Variants in DMXL1 observed in about 807,000 individuals in gnomAD.
The protein encoded by DMXL1 is Dmx like 1.
In DMXL1, 99 loss-of-function variants were observed where a neutral mutation model predicts 319.2. The ratio of observed to expected loss-of-function variants is 0.31; its 90% confidence interval spans 0.26 to 0.37. The LOEUF is 0.37. Ranked by LOEUF, DMXL1 falls within the 10% of genes least tolerant of loss-of-function variation. The probability of loss-of-function intolerance (pLI) is 1.00; values close to 1 mark genes in which losing one functional copy is unlikely to be tolerated. For synonymous variants in DMXL1, 1,385 were observed against 1,235.2 expected, an observed-to-expected ratio of 1.12 and a Z score of -2.54; for missense variants, 3,745 against 3,595.6, an observed-to-expected ratio of 1.04 and a Z score of -1.06.
chr5:119,198,659 G>T lies in DMXL1; in HGVS notation c.7745+703G>T, dbSNP rs568162775. Among the ~76,000 whole-genome samples, 3 of 152,258 alleles carry T rather than the reference G, an allele frequency of 2.0e-5. No individual in the cohort carries two copies. The South Asian group carries it at 6.2e-4, about 32-fold the overall frequency. On this transcript the variant is annotated intron_variant, in intron 32 of 43. Transcript: ENST00000539542. ...TCTAAAATCAGATGGAACCAGTAGA[G>T]AGCTGGAATAGCCAAAGCAATCCTC... is the stretch of plus-strand genomic sequence containing the variant.
intron 34 of DMXL1, among the ~76,000 whole-genome samples, chr5:119,207,907 G>A (rs1782041495): frequency 6.6e-6 from 1 of 152,098 alleles, no homozygotes; most frequent in Non-Finnish European, 1.5e-5. Context: ...TGATTTTTAA[G>A]TGAAAAATTG....
chr5:119,222,837 G>A (rs568263134), intron 37 of DMXL1, among the ~76,000 whole-genome samples: 114 of 151,948 alleles, frequency 7.5e-4, no homozygotes, highest in African/African-American at 2.6e-3. Context: ...AACTTATTAA[G>A]CTCATGGTTA....
intron 3 of DMXL1, among the ~76,000 whole-genome samples, chr5:119,103,734 G>A (rs1017334848): frequency 3.9e-5 from 6 of 152,002 alleles, no homozygotes; most frequent in Non-Finnish European, 5.9e-5. Flanking sequence ...TTTTTAAGGC[G>A]ATTACCCCAC....
At position 119,149,463 on chromosome 5, in the gene DMXL1, C is replaced by G. The variant is rs370736430; in HGVS notation, c.3636C>G (p.Ser1212=). 9 of 1,613,774 alleles carry G rather than the reference C, an allele frequency of 5.6e-6. No individual in the cohort carries two copies. In the African/African-American group the frequency reaches 1.2e-4, roughly 22 times the overall value. ...SVDLVSSVDG[S]PPFPVSLSWV... is the part of the protein sequence containing the mutation. ...ACCTAGTTTCTTCTGTAGATGGCTC[C>G]CCACCTTTTCCTGTTTCTTTATCGT... Residue 1212 remains serine, a synonymous_variant, in exon 18 of 44, where the codon TCC becomes TCG. Transcript: ENST00000539542.
rs1290612546 is a variant in DMXL1 at position 119,151,931 on chromosome 5, G to A, written c.4597G>A (p.Gly1533Arg). The A allele has an allele frequency of 1.2e-6, 2 of 1,608,996 alleles. No homozygotes were observed. The highest frequency in any genetic ancestry group is 2.2e-5 in the East Asian group (1 of 44,732). ...IGESRDRSQG[G>R]ETLDECGLKF... Reference sequence around the variant, plus strand: ...GCTTCCCCTTTCTCCCATTGCAGGTGGAGAAACTCTTGATGAATGTGGGTT... The same window carrying A: ...GCTTCCCCTTTCTCCCATTGCAGGTAGAGAAACTCTTGATGAATGTGGGTT... The change falls in exon 19 of 44, where the codon GGA (glycine) becomes AGA (arginine). Residue 1533 changes from glycine to arginine, a missense_variant and splice_region_variant. By Grantham distance (125) the Gly-to-Arg change is moderately radical. Around this residue, in one of 4 missense-constraint regions of DMXL1, gnomAD observed 2,096 missense variants for 1,985.4 expected, o/e 1.06. Coordinates refer to ENST00000539542, the MANE Select transcript of DMXL1 (RefSeq NM_001290321.3).
rs576947433 is a variant in DMXL1 at position 119,178,307 on chromosome 5, C to T, written c.7135+63C>T. On this transcript the variant is annotated intron_variant, in intron 28 of 43. Transcript: ENST00000539542. ...TTATCTGAGTGATATCATTCTCAAA[C>T]GTAATTACATTTTAATTTAGTTATA... is the stretch of plus-strand genomic sequence containing the variant. The T allele has an allele frequency of 1.4e-4, 216 of 1,506,714 alleles. No individual in the cohort carries two copies. In the African/African-American group the frequency reaches 2.2e-3, roughly 15 times the overall value. The allele number at this position is 1,506,714 out of a possible 1,614,324, so 93.3% of individuals were successfully genotyped here. A position where few individuals can be genotyped will look rare whatever the true frequency, so the allele number is the denominator to read the frequency against.
Position 119,220,456 on chromosome 5 carries a change from T to C in DMXL1, c.8014-16T>C. The C allele has an allele frequency of 6.2e-7, 1 of 1,610,678 alleles. No homozygotes were observed. Among genetic ancestry groups the C allele is most frequent in the Non-Finnish European group, 8.5e-7 (1 of 1,178,788 alleles). On this transcript the variant is annotated splice_polypyrimidine_tract_variant and intron_variant, in intron 35 of 43. Coordinates refer to ENST00000539542, the MANE Select transcript of DMXL1 (RefSeq NM_001290321.3). ...TGCCTATTGCTTTTAAAATTACCAT[T>C]TGACTTATTTTTCAGGCAAATAGAA...
Position 119,071,153 on chromosome 5 carries a change from C to G in DMXL1, c.-417C>G, listed in dbSNP as rs913978619. On this transcript the variant is annotated 5_prime_UTR_variant, in exon 1 of 44. Coordinates refer to ENST00000539542, the MANE Select transcript of DMXL1 (RefSeq NM_001290321.3). ...GCACCGGAGCCGGGAAGGGACAGGT[C>G]AGGCGGGGAGTGCGAGCGCGTACTG... 2 of 216,614 alleles carry G rather than the reference C, an allele frequency of 9.2e-6. No individual in the cohort carries two copies. Among genetic ancestry groups the G allele is most frequent in the African/African-American group, 4.8e-5 (2 of 41,882 alleles). 13.4% of individuals were successfully genotyped at this position (216,614 alleles called of 1,614,324 possible).
chr5:119,087,676 T>C (rs569729475), intron 1 of DMXL1, among the ~76,000 whole-genome samples: 2 of 152,334 alleles, frequency 1.3e-5, no homozygotes, highest in East Asian at 3.9e-4. Context: ...TTAGATCTAG[T>C]GTATCGTTTA....
intron 25 of DMXL1, among the ~76,000 whole-genome samples, chr5:119,173,858 C>G (rs1042144106): frequency 6.8e-6 from 1 of 146,130 alleles, no homozygotes; most frequent in Non-Finnish European, 1.5e-5. Flanking sequence ...TGAAAAGTCC[C>G]AAGATCTGCA....
intron 34 of DMXL1, among the ~76,000 whole-genome samples, chr5:119,215,273 T>G (rs1010367183): frequency 1.3e-5 from 2 of 152,120 alleles, no homozygotes; most frequent in Non-Finnish European, 2.9e-5. Flanking sequence ...CTCTTTGAAC[T>G]TTCCAATTGA....
chr5:119,141,417 A>G (rs1767316491), intron 13 of DMXL1, among the ~76,000 whole-genome samples: 1 of 152,184 alleles, frequency 6.6e-6, no homozygotes, highest in Non-Finnish European at 1.5e-5. Context: ...GGATACAAAA[A>G]TTAATGTAGA....
chr5:119,108,063 T>C (rs1758743429), intron 4 of DMXL1, among the ~76,000 whole-genome samples: 2 of 152,120 alleles, frequency 1.3e-5, no homozygotes, highest in African/African-American at 4.8e-5. Context: ...CACTTTCCTT[T>C]TGAAACAAGA....
At chr5:119,119,894 T>A (rs1454809352) in intron 8 of DMXL1, among the ~76,000 whole-genome samples, 1 of 151,928 alleles carries the variant, frequency 6.6e-6, no homozygotes, top group Non-Finnish European at 1.5e-5. Context: ...TTGTTGTTGT[T>A]TTTTGAGACA....
rs1436187624 is a variant in DMXL1 at position 119,116,220 on chromosome 5, A to T, written c.627A>T (p.Pro209=). 14 of 1,613,834 alleles carry T rather than the reference A, an allele frequency of 8.7e-6. No homozygotes were observed. Among genetic ancestry groups the T allele is most frequent in the African/African-American group, 1.3e-5 (1 of 74,866 alleles). The stretch of plus-strand genomic sequence containing the variant: ...ACTGGCGGACAGCTGTTACTTCTCC[A>T]GATGGAAGTTCAGAAAAACAATCCC... ...VENWRTAVTS[P]DGSSEKQSQG... The change falls in exon 7 of 44, where the codon CCA becomes CCT. Residue 209 remains proline (P), a synonymous_variant. Coordinates refer to ENST00000539542, the MANE Select transcript of DMXL1 (RefSeq NM_001290321.3).
At chr5:119,119,148 CAT>C (rs1761482866) in intron 8 of DMXL1, 144 bp downstream of exon 8, 1 of 527,490 alleles carries the variant, frequency 1.9e-6, no homozygotes, top group Non-Finnish European at 3.1e-6. Flanking sequence ...GTTCAAAAAA[CAT>C]ATTTTTATCT....
intron 13 of DMXL1, among the ~76,000 whole-genome samples, chr5:119,134,868 C>G (rs1417745236): frequency 4.6e-5 from 7 of 152,200 alleles, no homozygotes; most frequent in African/African-American, 1.7e-4. Flanking sequence ...TAATAACAAC[C>G]TTCTAACTGC....
intron 30 of DMXL1, among the ~76,000 whole-genome samples, chr5:119,194,906 AT>A (rs1216204897): frequency 6.6e-6 from 1 of 152,144 alleles, no homozygotes; most frequent in Admixed American, 6.5e-5. Flanking sequence ...AAAAAAAAAA[AT>A]TTTAATGAAC....
rs771056976 is a variant in DMXL1 at position 119,173,672 on chromosome 5, A to ATGTGTGTGTGTG, written c.6682-1573_6682-1562dup. Among the ~76,000 whole-genome samples, 64 of 110,218 alleles carry ATGTGTGTGTGTG rather than the reference A, an allele frequency of 5.8e-4. 2 individuals carry two copies. In the East Asian group the frequency reaches 8.3e-3, roughly 14 times the overall value. The allele number at this position is 110,218 out of a possible 152,430, so 72.3% of individuals were successfully genotyped here. On this transcript the variant is annotated intron_variant, in intron 25 of 43. Coordinates refer to ENST00000539542, the MANE Select transcript of DMXL1 (RefSeq NM_001290321.3). ...CAAAGAAACAGAATCAGTAGGATGT[A>ATGTGTGTGTGTG]TGTGTGTGTGTGTGTGTGTGTGTGT...
Sources: gnomAD v4.1 joint callset for allele counts (sites outside exome capture counted in the v4.1 genomes callset) on GRCh38, gnomAD v4.1.1 for gene constraint, gnomAD v4.1.1 regional missense constraint, MANE v1.5 for transcripts, NCBI Gene and HGNC (gene_info 2026-07-23, HGNC 2026-07-21) for gene names.